Variants in PJA2 observed in about 807,000 individuals in gnomAD.
PJA2 encodes the protein praja ring finger ubiquitin ligase 2.
In PJA2, 25 loss-of-function variants were observed where a neutral mutation model predicts 69.3. The ratio of observed to expected loss-of-function variants is 0.36; its 90% CI spans 0.26 to 0.50. The LOEUF (loss-of-function observed/expected upper bound fraction) is 0.50. PJA2 is among the 20% of genes least tolerant of loss of function. The pLI is 0.96. For missense variants in PJA2, 809 were observed against 830.2 expected, an observed-to-expected ratio of 0.97 and a Z score of 0.31; for synonymous variants, 308 against 277.8, an observed-to-expected ratio of 1.11 and a Z score of -1.08.
Position 109,342,200 on chromosome 5 carries a change from G to A in PJA2, c.2001+1990C>T, listed in dbSNP as rs1367674253. 5.9e-4 allele frequency among the ~76,000 whole-genome samples: 55 copies of A among 93,210 alleles called. No individual in the cohort carries two copies. In the East Asian group the frequency reaches 0.012, roughly 21 times the overall value. The allele number at this position is 93,210 out of a possible 152,430, so 61.1% of individuals were successfully genotyped here. ...CCGCCCCGTCCGGGAGGGAGGTGGG[G>A]GGGGGTCAGCCCCCCCGCCCGGCCA... is the stretch of plus-strand genomic sequence containing the variant. On this transcript the variant is annotated intron_variant, in intron 9 of 9. Coordinates refer to ENST00000361189, the MANE Select transcript of PJA2 (RefSeq NM_014819.5).
intron 7 of PJA2, among the ~76,000 whole-genome samples, chr5:109,354,382 A>G (rs62643555): frequency 0.082 from 3,846 of 46,794 alleles, 242 homozygotes; most frequent in Middle Eastern, 0.14. Context: ...TCTATAGATT[A>G]GATATCTCTG....
At position 109,336,150 on chromosome 5, in the gene PJA2, A is replaced by C. The variant is rs1761935045; in HGVS notation, c.*1081T>G. 1 of 152,398 alleles carries C rather than the reference A, an allele frequency of 6.6e-6. No homozygotes were observed. The highest frequency in any genetic ancestry group is 1.5e-5 in the Non-Finnish European group (1 of 68,028). 9.4% of individuals were successfully genotyped at this position (152,398 alleles called of 1,614,324 possible). On this transcript the variant is annotated 3_prime_UTR_variant, in exon 10 of 10. Coordinates refer to ENST00000361189, the MANE Select transcript of PJA2 (RefSeq NM_014819.5). ...GTACCAGTTAGACGGACATACACTC[A>C]CTATGTGCTTTACTATTTTACTTGC...
chr5:109,397,076 G>T (rs1747432125), intron 1 of PJA2, among the ~76,000 whole-genome samples: 1 of 152,128 alleles, frequency 6.6e-6, no homozygotes, highest in South Asian at 2.1e-4. Flanking sequence ...ATAAAAGGCT[G>T]GGGGAAACTA....
chr5:109,397,293 A>G (rs954467297), intron 1 of PJA2, among the ~76,000 whole-genome samples: 1 of 152,208 alleles, frequency 6.6e-6, no homozygotes, highest in African/African-American at 2.4e-5. Flanking sequence ...GGAACAGATT[A>G]AGACAGACAG....
chr5:109,354,002 T>TATCTATAGATTAGATAGATATCTAGAGAG (rs1762340220), intron 7 of PJA2, among the ~76,000 whole-genome samples: 1 of 144,248 alleles, frequency 6.9e-6, no homozygotes, highest in Non-Finnish European at 1.5e-5. Context: ...TATCTAGAGA[T>TATCTATAGATTAGATAGATATCTAGAGAG]ATCTATAGAT....
intron 1 of PJA2, among the ~76,000 whole-genome samples, chr5:109,388,040 T>C (rs866515357): frequency 3.4e-4 from 52 of 152,336 alleles, no homozygotes; most frequent in Middle Eastern, 3.4e-3. Context: ...GCTCTCAGTA[T>C]TAGAGCCCTC....
chr5:109,369,116 A>T (rs1762631394), intron 4 of PJA2, among the ~76,000 whole-genome samples: 3 of 152,198 alleles, frequency 2.0e-5, no homozygotes, highest in Admixed American at 2.0e-4. Context: ...CCCAAGAAGC[A>T]GAAGCCACTA....
chr5:109,378,456 T>C lies in PJA2; in HGVS notation c.1031A>G (p.Gln344Arg), dbSNP rs1187769586. Reference protein sequence around the residue: ...NRHEAKQRSVQRWREALEVEE... With the variant: ...NRHEAKQRSVRRWREALEVEE... ...AACTTCCAAAGCCTCTCTCCATCTT[T>C]GAACACTTCTTTGTTTCGCCTCATG... The change falls in exon 4 of 10, where the codon CAA becomes CGA. Residue 344 changes from glutamine (Q) to arginine (R), a missense_variant. By Grantham distance (43) the Gln-to-Arg change is conservative. This residue lies in a region of PJA2 where 700 missense variants were observed against 639.5 expected (regional missense o/e 1.09). Coordinates refer to ENST00000361189, the MANE Select transcript of PJA2 (RefSeq NM_014819.5). The C allele has an allele frequency of 1.2e-6, 2 of 1,614,186 alleles. No homozygotes were observed. The highest frequency in any genetic ancestry group is 1.7e-5 in the Admixed American group (1 of 60,010).
intron 4 of PJA2, among the ~76,000 whole-genome samples, chr5:109,374,642 A>G (rs924380098): frequency 3.9e-5 from 6 of 152,176 alleles, no homozygotes; most frequent in Admixed American, 2.0e-4. Flanking sequence ...ATGGCTAACA[A>G]TCATTTTATT....
At chr5:109,408,819 C>A (rs1247766151) in intron 1 of PJA2, among the ~76,000 whole-genome samples, 1 of 152,214 alleles carries the variant, frequency 6.6e-6, no homozygotes, top group Non-Finnish European at 1.5e-5. Context: ...ACGTTTATTA[C>A]TGTTATCCTC....
In PJA2 at chr5:109,351,599, A is replaced by G. The variant is rs1043379041; in HGVS notation, c.1764+4316T>C. On this transcript the variant is annotated intron_variant, in intron 7 of 9. Transcript: ENST00000361189. ...GGGATTTTTTCAAAATCCATTTTGA[A>G]AAGTAGAAAAGTTTCAAAAGGTTAA... is the stretch of plus-strand genomic sequence containing the variant. 9.9e-5 allele frequency among the ~76,000 whole-genome samples: 15 copies of G among 152,266 alleles called. 1 individual carries two copies. The South Asian group carries it at 2.1e-3, about 21-fold the overall frequency.
chr5:109,359,069 T>TC (rs1762469234), intron 6 of PJA2, among the ~76,000 whole-genome samples: 1 of 152,156 alleles, frequency 6.6e-6, no homozygotes, highest in African/African-American at 2.4e-5. Context: ...GACCAATCCC[T>TC]CCTCTTCCTC....
Position 109,335,834 on chromosome 5 carries a change from T to C in PJA2, c.*1397A>G, listed in dbSNP as rs1761929833. 1 of 152,572 alleles carries C rather than the reference T, an allele frequency of 6.6e-6. No individual in the cohort carries two copies. Among genetic ancestry groups the C allele is most frequent in the Non-Finnish European group, 1.5e-5 (1 of 68,006 alleles). 9.5% of individuals were successfully genotyped at this position (152,572 alleles called of 1,614,324 possible). A position where few individuals can be genotyped will look rare whatever the true frequency, so the allele number is the denominator to read the frequency against. The stretch of plus-strand genomic sequence containing the variant: ...CCCAAAGAACTCCTAAATTACAAAT[T>C]CATCACATTACATGCATGCAATGTT... On this transcript the variant is annotated 3_prime_UTR_variant, in exon 10 of 10. Transcript: ENST00000361189.
chr5:109,394,580 T>C (rs1400131894), intron 1 of PJA2, among the ~76,000 whole-genome samples: 2 of 152,244 alleles, frequency 1.3e-5, no homozygotes, highest in Admixed American at 6.5e-5. Flanking sequence ...CCTTTTGTAA[T>C]TGGCAGAAAA....
intron 4 of PJA2, among the ~76,000 whole-genome samples, chr5:109,372,923 A>AAAAAAAAAAAAAAAAAAAAAAAAAAAAG (rs1272538036): frequency 2.9e-5 from 4 of 136,878 alleles, no homozygotes; most frequent in African/African-American, 8.3e-5. Context: ...AAAAAAAAAA[A>AAAAAAAAAAAAAAAAAAAAAAAAAAAAG]AAAGAAAGAA....
intron 4 of PJA2, among the ~76,000 whole-genome samples, chr5:109,376,231 T>C (rs2127005097): frequency 7.1e-6 from 1 of 139,930 alleles, no homozygotes; most frequent in Admixed American, 7.6e-5. Flanking sequence ...ACTGTAAATG[T>C]TTTTTCCCAT....
intron 1 of PJA2, among the ~76,000 whole-genome samples, chr5:109,384,405 C>A (rs1232842044): frequency 6.6e-6 from 1 of 152,126 alleles, no homozygotes; most frequent in Non-Finnish European, 1.5e-5. Context: ...TATCATGGAA[C>A]AAATACAAAA....
At chr5:109,373,905 C>T (rs1327036596) in intron 4 of PJA2, among the ~76,000 whole-genome samples, 1 of 152,114 alleles carries the variant, frequency 6.6e-6, no homozygotes, top group Non-Finnish European at 1.5e-5. Context: ...ATAAAACCAA[C>T]CAAAAGTAAT....
At chr5:109,401,909 T>C (rs1487022760) in intron 1 of PJA2, among the ~76,000 whole-genome samples, 1 of 152,206 alleles carries the variant, frequency 6.6e-6, no homozygotes, top group African/African-American at 2.4e-5. Flanking sequence ...TTACAAGGTA[T>C]TATGCATTTA....
Sources: allele counts gnomAD v4.1 joint callset (sites outside exome capture counted in the v4.1 genomes callset), GRCh38; gene constraint gnomAD v4.1.1; regional missense constraint gnomAD v4.1.1; transcripts MANE v1.5; gene names NCBI Gene and HGNC (gene_info 2026-07-23, HGNC 2026-07-21).